UNC50: variants seen among roughly 807,000 people sequenced by gnomAD.
UNC50 encodes unc-50 inner nuclear membrane RNA binding protein, also known as protein unc-50 homolog.
UNC50 carries 24 observed loss-of-function variants against 31.5 expected under a neutral mutation model. The observed-to-expected ratio is 0.76, with a 90% CI of 0.55 to 1.07. The LOEUF (loss-of-function observed/expected upper bound fraction) is 1.07. Among genes scored for constraint, UNC50 ranks in the 50% least tolerant of loss-of-function variants. UNC50 has a pLI of 0.00. For synonymous variants in UNC50, 118 were observed against 114.7 expected (o/e 1.03, Z -0.18); for missense variants, 245 against 304.2 (o/e 0.81, Z 1.45).
At chr2:98,612,851 T>C (rs1700858188) in intron 3 of UNC50, among the ~76,000 whole-genome samples, 1 of 152,254 alleles carries the variant, frequency 6.6e-6, no homozygotes, top group Non-Finnish European at 1.5e-5. Context: ...TGTACTGTAG[T>C]CTTTTAAGTG....
At chr2:98,616,654 G>T (rs1700927220) in intron 5 of UNC50, 121 bp downstream of exon 5, 2 of 713,572 alleles carry the variant, frequency 2.8e-6, no homozygotes, top group Non-Finnish European at 4.6e-6. Flanking sequence ...TATTTTATGT[G>T]CATTATCTCA....
At chr2:98,610,484 T>C (rs1700808551) in intron 2 of UNC50, among the ~76,000 whole-genome samples, 1 of 152,250 alleles carries the variant, frequency 6.6e-6, no homozygotes, top group Non-Finnish European at 1.5e-5. Flanking sequence ...TTGAAGTTTA[T>C]AGGGTGTTTT....
Position 98,618,230 on chromosome 2 carries a change from T to C in UNC50, c.706T>C (p.Tyr236His). The change falls in exon 6 of 6, where the codon TAC becomes CAC. Residue 236 changes from tyrosine (Y) to histidine (H), a missense_variant. Coordinates refer to ENST00000357765, the MANE Select transcript of UNC50 (RefSeq NM_014044.7). The part of the protein sequence containing the change: ...LYPFAPLILL[Y>H]GLSLALGWNF... ...TCCATTTGCACCTCTGATTCTGCTC[T>C]ACGGGCTTTCCCTGGCACTGGGATG... 2 of 1,612,890 alleles carry C rather than the reference T, an allele frequency of 1.2e-6. No homozygotes were observed. Among genetic ancestry groups the C allele is most frequent in the Non-Finnish European group, 1.7e-6 (2 of 1,179,460 alleles).
Position 98,611,619 on chromosome 2 carries a change from G to A in UNC50, c.401+724G>A, listed in dbSNP as rs367726162. Among the ~76,000 whole-genome samples, 323 of 152,316 alleles carry A rather than the reference G, an allele frequency of 2.1e-3. 1 individual carries two copies. The highest frequency in any genetic ancestry group is 7.5e-3 in the African/African-American group (311 of 41,572). On this transcript the variant is annotated intron_variant, in intron 3 of 5. Transcript: ENST00000357765. ...ATAGGAGGCAAGTTTGCCTGACACA[G>A]TTACCAGCTTGACTTTTCCCTTTGG... is the stretch of plus-strand genomic sequence containing the variant.
In UNC50 at chr2:98,616,426, T is replaced by C; in HGVS notation, c.542-6T>C. 6.2e-7 allele frequency: 1 copy of C among 1,614,070 alleles called. No individual in the cohort carries two copies. The highest frequency in any genetic ancestry group is 8.5e-7 in the Non-Finnish European group (1 of 1,179,924). On this transcript the variant is annotated splice_region_variant and splice_polypyrimidine_tract_variant and intron_variant, in intron 4 of 5. Transcript: ENST00000357765. ...AGGGACTCATGGTCTGCGTCTCTTC[T>C]GGCAGATGTTATCCTGACAGACACA...
At position 98,609,974 on chromosome 2, in the gene UNC50, A is replaced by T; in HGVS notation, c.215A>T (p.Gln72Leu). 6.2e-7 allele frequency: 1 copy of T among 1,614,236 alleles called. No individual in the cohort carries two copies. Among genetic ancestry groups the T allele is most frequent in the Non-Finnish European group, 8.5e-7 (1 of 1,180,040 alleles). ...TACAGAAATTTTCATTATCGAAAAC[A>T]GACGAAGGACCAGTGGGCCAGAGAT... ...RVYRNFHYRK[Q>L]TKDQWARDDP... The change falls in exon 2 of 6, where the codon CAG (glutamine) becomes CTG (leucine). Residue 72 changes from glutamine to leucine, a missense_variant. Coordinates refer to ENST00000357765, the MANE Select transcript of UNC50 (RefSeq NM_014044.7).
intron 3 of UNC50, among the ~76,000 whole-genome samples, chr2:98,615,930 G>A (rs1700912238): frequency 6.6e-6 from 1 of 151,928 alleles, no homozygotes; most frequent in Admixed American, 6.6e-5. Flanking sequence ...ACTATCCTTG[G>A]GTCTTTACCC....
chr2:98,618,438 A>G lies in UNC50; in HGVS notation c.*134A>G. ...AAAGTTTGCAAATTTGAAGAAATAT[A>G]TATTAACACTGTGGTCAGGTACATT... On this transcript the variant is annotated 3_prime_UTR_variant, in exon 6 of 6. Transcript: ENST00000357765. The G allele has an allele frequency of 2.4e-6, 2 of 816,534 alleles. No homozygotes were observed. Among genetic ancestry groups the G allele is most frequent in the Non-Finnish European group, 3.5e-6 (2 of 578,500 alleles). The allele number at this position is 816,534 out of a possible 1,614,324, so 50.6% of individuals were successfully genotyped here.
At position 98,616,441 on chromosome 2, in the gene UNC50, T is replaced by G; in HGVS notation, c.551T>G (p.Leu184Arg). 3 of 1,614,124 alleles carry G rather than the reference T, an allele frequency of 1.9e-6. No individual in the cohort carries two copies. Among genetic ancestry groups the G allele is most frequent in the Non-Finnish European group, 2.5e-6 (3 of 1,179,962 alleles). ...IQLFFINHVILTDTFIGYLVG... is the reference protein window; with the variant it reads ...IQLFFINHVIRTDTFIGYLVG... ...GCGTCTCTTCTGGCAGATGTTATCCTGACAGACACATTTATTGGATATTTA... is the reference window on the plus strand; with the variant it reads ...GCGTCTCTTCTGGCAGATGTTATCCGGACAGACACATTTATTGGATATTTA... Residue 184 changes from leucine (L) to arginine (R), a missense_variant, in exon 5 of 6, where the codon CTG (leucine) becomes CGG (arginine). Coordinates refer to ENST00000357765, the MANE Select transcript of UNC50 (RefSeq NM_014044.7).
Position 98,610,687 on chromosome 2 carries a change from G to A in UNC50, c.281-88G>A, listed in dbSNP as rs1002735433. ...GTTTAAAGACCTGTCTCTCCCACTA[G>A]CCTGGGCATCTGGAGGGCAAGGGAT... On this transcript the variant is annotated intron_variant, in intron 2 of 5. Coordinates refer to ENST00000357765, the MANE Select transcript of UNC50 (RefSeq NM_014044.7). 9.3e-6 allele frequency: 14 copies of A among 1,512,598 alleles called. No individual in the cohort carries two copies. The African/African-American group carries it at 9.8e-5, about 11-fold the overall frequency. 93.7% of individuals were successfully genotyped at this position (1,512,598 alleles called of 1,614,324 possible). A position where few individuals can be genotyped will look rare whatever the true frequency, so the allele number is the denominator to read the frequency against.
chr2:98,612,933 A>G (rs1180212268), intron 3 of UNC50, among the ~76,000 whole-genome samples: 1 of 152,252 alleles, frequency 6.6e-6, no homozygotes, highest in Non-Finnish European at 1.5e-5. Context: ...AAAAATGCTG[A>G]CACAGAGACA....
chr2:98,611,274 G>A lies in UNC50; in HGVS notation c.401+379G>A, dbSNP rs112775485. 7.6e-3 allele frequency among the ~76,000 whole-genome samples: 1,154 copies of A among 152,300 alleles called. 10 individuals are homozygous for A. Among genetic ancestry groups the A allele is most frequent in the African/African-American group, 0.026 (1,083 of 41,544 alleles). Reference sequence around the variant, plus strand: ...GCACAGCTTGCTCTTATACATTTTAGGGAGACTTGAGACATCAGTCAATAT... The same window carrying A: ...GCACAGCTTGCTCTTATACATTTTAAGGAGACTTGAGACATCAGTCAATAT... On this transcript the variant is annotated intron_variant, in intron 3 of 5. Transcript: ENST00000357765.
intron 5 of UNC50, among the ~76,000 whole-genome samples, chr2:98,617,104 C>A (rs1700936233): frequency 6.6e-6 from 1 of 152,168 alleles, no homozygotes; most frequent in South Asian, 2.1e-4. Context: ...ACTGTTAAAT[C>A]CTGTTGTCAG....
rs1182270587 is a variant in UNC50 at position 98,608,605 on chromosome 2, C to A, written c.-126C>A. 1.7e-6 allele frequency: 1 copy of A among 604,556 alleles called. No homozygotes were observed. Among genetic ancestry groups the A allele is most frequent in the Non-Finnish European group, 2.9e-6 (1 of 340,650 alleles). The allele number at this position is 604,556 out of a possible 1,614,324, so 37.4% of individuals were successfully genotyped here. A position where few individuals can be genotyped will look rare whatever the true frequency, so the allele number is the denominator to read the frequency against. ...GCGGAAGTCGGTTCCCGTGACGCGG[C>A]GCGCCCCAAGGGCCGGCTCCGTTGA... On this transcript the variant is annotated 5_prime_UTR_variant, in exon 1 of 6. Transcript: ENST00000357765.
rs980889948 is a variant in UNC50, at chr2:98,608,636, G to A, written c.-95G>A. 2.1e-5 allele frequency: 12 copies of A among 576,470 alleles called. No individual in the cohort carries two copies. Among genetic ancestry groups the A allele is most frequent in the Middle Eastern group, 4.6e-4 (1 of 2,174 alleles). 35.7% of individuals were successfully genotyped at this position (576,470 alleles called of 1,614,324 possible). On this transcript the variant is annotated 5_prime_UTR_variant, in exon 1 of 6. Transcript: ENST00000357765. Reference sequence around the variant, plus strand: ...CCAAGGGCCGGCTCCGTTGAGGGAAGGGAAGCCCGCCCGGTGGCGGCTGGG... The same window carrying A: ...CCAAGGGCCGGCTCCGTTGAGGGAAAGGAAGCCCGCCCGGTGGCGGCTGGG...
chr2:98,616,642 A>G, intron 5 of UNC50, 109 bp downstream of exon 5: 1 of 792,036 alleles, frequency 1.3e-6, no homozygotes. Context: ...CACTATCCTA[A>G]GTATTTTATG....
At position 98,608,687 on chromosome 2, in the gene UNC50, G is replaced by A; in HGVS notation, c.-44G>A. 3 of 504,284 alleles carry A rather than the reference G, an allele frequency of 5.9e-6. No homozygotes were observed. Among genetic ancestry groups the A allele is most frequent in the Non-Finnish European group, 7.2e-6 (2 of 278,480 alleles). 31.2% of individuals were successfully genotyped at this position (504,284 alleles called of 1,614,324 possible). A position where few individuals can be genotyped will look rare whatever the true frequency, so the allele number is the denominator to read the frequency against. Reference sequence around the variant, plus strand: ...GTCGGCTGCTGGGAGGAGGTGGTGGGCTGGTTCGGACGTGGGTCGAGGCTG... The same window carrying A: ...GTCGGCTGCTGGGAGGAGGTGGTGGACTGGTTCGGACGTGGGTCGAGGCTG... On this transcript the variant is annotated 5_prime_UTR_variant, in exon 1 of 6. Transcript: ENST00000357765.
chr2:98,617,817 A>C (rs1700956529), intron 5 of UNC50, among the ~76,000 whole-genome samples: 1 of 152,200 alleles, frequency 6.6e-6, no homozygotes, highest in South Asian at 2.1e-4. Flanking sequence ...GGACTCCTAG[A>C]GGTTTCTGAG....
chr2:98,610,695 A>G (rs1460299696), intron 2 of UNC50, 80 bp from the exon 3 acceptor site: 1 of 1,538,330 alleles, frequency 6.5e-7, no homozygotes, highest in African/African-American at 1.4e-5. Flanking sequence ...TAGCCTGGGC[A>G]TCTGGAGGGC....
Sources: gnomAD v4.1 joint callset for allele counts (sites outside exome capture counted in the v4.1 genomes callset) on GRCh38, gnomAD v4.1.1 for gene constraint, MANE v1.5 for transcripts, NCBI Gene and HGNC (gene_info 2026-07-23, HGNC 2026-07-21) for gene names.